EPHA6: variants seen among roughly 807,000 people sequenced by gnomAD.
The protein encoded by EPHA6 is EPH receptor A6.
A neutral mutation model predicts 112.0 loss-of-function variants in EPHA6; 50 were observed. The ratio of observed to expected loss-of-function variants is 0.45; its 90% CI spans 0.36 to 0.56. The LOEUF (loss-of-function observed/expected upper bound fraction) is 0.56, where lower values mean the gene tolerates loss of function less well. Ranked by LOEUF, EPHA6 falls within the 20% of genes least tolerant of loss-of-function variation. EPHA6 has a pLI of 0.00. For missense variants in EPHA6, 1,280 were observed against 1,417.4 expected (o/e 0.90, Z 1.56); for synonymous variants, 529 against 490.7 (o/e 1.08, Z -1.03).
At chr3:97,204,109 G>C (rs2077651727) in intron 3 of EPHA6, among the ~76,000 whole-genome samples, 1 of 152,032 alleles carries the variant, frequency 6.6e-6, no homozygotes, top group African/African-American at 2.4e-5. Context: ...GAAGAGTTAA[G>C]AACTTAGAAA....
chr3:97,084,067 AGTGT>A (rs145113129), intron 3 of EPHA6, among the ~76,000 whole-genome samples: 4,047 of 109,622 alleles, frequency 0.037, 117 homozygotes, highest in Non-Finnish European at 0.05. Flanking sequence ...TATTTCTTAA[AGTGT>A]GTGTGTGTGT....
intron 10 of EPHA6, among the ~76,000 whole-genome samples, chr3:97,499,967 C>A: frequency 6.6e-6 from 1 of 152,098 alleles, no homozygotes; most frequent in Non-Finnish European, 1.5e-5. Context: ...AACTTTTTAA[C>A]TTTTTTAACT....
chr3:96,849,311 C>T (rs934657078), intron 1 of EPHA6, among the ~76,000 whole-genome samples: 3 of 152,076 alleles, frequency 2.0e-5, no homozygotes, highest in Non-Finnish European at 4.4e-5. Flanking sequence ...TATTCATTAA[C>T]ACTGTGGGAG....
intron 2 of EPHA6, among the ~76,000 whole-genome samples, chr3:96,877,085 T>A (rs1301049043): frequency 2.0e-5 from 3 of 152,144 alleles, no homozygotes; most frequent in Non-Finnish European, 4.4e-5. Flanking sequence ...TAGATGTACA[T>A]GTAACAAATT....
chr3:97,553,811 A>T (rs1177159784), intron 11 of EPHA6, among the ~76,000 whole-genome samples: 4 of 152,168 alleles, frequency 2.6e-5, no homozygotes, highest in Non-Finnish European at 4.4e-5. Flanking sequence ...TGACAAGACT[A>T]GCTTGGAATC....
chr3:97,459,116 C>G (rs2090798807), intron 7 of EPHA6, among the ~76,000 whole-genome samples: 1 of 152,140 alleles, frequency 6.6e-6, no homozygotes, highest in Admixed American at 6.5e-5. Context: ...GTTGAGGGAC[C>G]AGATGAGGGA....
At chr3:96,984,054 G>A (rs112861650) in intron 2 of EPHA6, among the ~76,000 whole-genome samples, 2,053 of 152,198 alleles carry the variant, frequency 0.013, 48 homozygotes, top group African/African-American at 0.045. Context: ...CTCTCAACTC[G>A]TCAACGTCAT....
At chr3:97,538,193 G>A (rs1024944950) in intron 11 of EPHA6, among the ~76,000 whole-genome samples, 1 of 152,044 alleles carries the variant, frequency 6.6e-6, no homozygotes. Flanking sequence ...AGTATTCCAA[G>A]TAAAAAATAA....
intron 3 of EPHA6, among the ~76,000 whole-genome samples, chr3:97,056,818 C>A (rs1223580840): frequency 6.6e-6 from 1 of 152,124 alleles, no homozygotes; most frequent in Admixed American, 6.6e-5. Context: ...GTCCTTTCTT[C>A]ATTTCTCATA....
chr3:97,557,467 G>A (rs1238545066), intron 11 of EPHA6, among the ~76,000 whole-genome samples: 1 of 151,618 alleles, frequency 6.6e-6, no homozygotes, highest in Non-Finnish European at 1.5e-5. Flanking sequence ...TTATTAACCA[G>A]GGACATTAAT....
Position 97,208,985 on chromosome 3 carries a change from AT to A in EPHA6, c.1115-17273del, listed in dbSNP as rs529266628. Among the ~76,000 whole-genome samples, 397 of 152,266 alleles carry A rather than the reference AT, an allele frequency of 2.6e-3. 2 individuals are homozygous for A. The highest frequency in any genetic ancestry group is 8.6e-3 in the African/African-American group (358 of 41,570). ...ATTTTGAAGACAGCAGATAGTGAAT[AT>A]TTTTTATGTCTGCTTTGCTGTTATT... On this transcript the variant is annotated intron_variant, in intron 3 of 17. Coordinates refer to ENST00000389672, the MANE Select transcript of EPHA6 (RefSeq NM_001080448.3).
intron 10 of EPHA6, among the ~76,000 whole-genome samples, chr3:97,528,598 G>A (rs569097815): frequency 6.6e-6 from 1 of 152,110 alleles, no homozygotes; most frequent in Non-Finnish European, 1.5e-5. Context: ...GCTCTCTAGG[G>A]TTGGATATGG....
intron 14 of EPHA6, among the ~76,000 whole-genome samples, chr3:97,693,579 A>G (rs1490680814): frequency 6.6e-6 from 1 of 152,134 alleles, no homozygotes; most frequent in African/African-American, 2.4e-5. Context: ...AGGCCGAGGC[A>G]GGCAGATCAC....
chr3:97,079,852 C>A (rs549842306), intron 3 of EPHA6, among the ~76,000 whole-genome samples: 1 of 151,920 alleles, frequency 6.6e-6, no homozygotes, highest in African/African-American at 2.4e-5. Flanking sequence ...GCAAGGCTCT[C>A]CACCAGCAAA....
chr3:97,559,139 CA>C (rs1322963243), intron 11 of EPHA6, among the ~76,000 whole-genome samples: 3 of 151,802 alleles, frequency 2.0e-5, no homozygotes, highest in African/African-American at 7.3e-5. Flanking sequence ...GGAACTTTTC[CA>C]AAACAGGTAG....
At chr3:97,379,751 CAAAAA>C (rs71623570) in intron 5 of EPHA6, among the ~76,000 whole-genome samples, 22 of 30,560 alleles carry the variant, frequency 7.2e-4, no homozygotes, top group African/African-American at 1.1e-3. Flanking sequence ...TCTGTCTCCC[CAAAAA>C]AAAAAAAAAA....
chr3:97,429,851 A>C (rs2089391543), intron 6 of EPHA6, among the ~76,000 whole-genome samples: 1 of 152,178 alleles, frequency 6.6e-6, no homozygotes, highest in Admixed American at 6.5e-5. Context: ...TGTTGCTGTC[A>C]ATATATTTTT....
chr3:97,300,462 A>T (rs1290936962), intron 5 of EPHA6, among the ~76,000 whole-genome samples: 1 of 152,152 alleles, frequency 6.6e-6, no homozygotes, highest in Non-Finnish European at 1.5e-5. Context: ...CACCCACCAT[A>T]CAGATAACTA....
At chr3:96,958,576 A>G (rs2041847895) in intron 2 of EPHA6, among the ~76,000 whole-genome samples, 1 of 152,152 alleles carries the variant, frequency 6.6e-6, no homozygotes, top group South Asian at 2.1e-4. Flanking sequence ...TGGTGTTCTT[A>G]TTGTTAGAGC....
Sources: allele counts gnomAD v4.1 joint callset (sites outside exome capture counted in the v4.1 genomes callset), GRCh38; gene constraint gnomAD v4.1.1; transcripts MANE v1.5; gene names NCBI Gene and HGNC (gene_info 2026-07-23, HGNC 2026-07-21).